Variants in ZNF816 observed in about 807,000 individuals in gnomAD.
ZNF816 encodes the protein zinc finger protein 816A.
In ZNF816, 11 loss-of-function variants were observed where a neutral mutation model predicts 8.3. The ratio of observed to expected loss-of-function variants is 1.32; its 90% confidence interval spans 0.83 to 2.19. ZNF816 has a LOEUF of 2.19. ZNF816 is among the 30% of genes most tolerant of loss of function. ZNF816 has a pLI of 0.00. For missense variants in ZNF816, 710 were observed against 779.3 expected (o/e 0.91, Z 1.06); for synonymous variants, 255 against 254.5 (o/e 1.00, Z -0.02).
chr19:52,955,830 C>T (rs143464958), intron 2 of ZNF816, among the ~76,000 whole-genome samples, 197 bp downstream of exon 2: 1 of 152,148 alleles, frequency 6.6e-6, no homozygotes, highest in Non-Finnish European at 1.5e-5. Flanking sequence ...CCCAGTGGAG[C>T]CTCTTCCCAA....
intron 2 of ZNF816, among the ~76,000 whole-genome samples, chr19:52,955,165 A>G (rs927838940): frequency 6.6e-6 from 1 of 152,164 alleles, no homozygotes; most frequent in Non-Finnish European, 1.5e-5. Flanking sequence ...TGTTTGCTTC[A>G]TCAGAGTCCC....
chr19:52,961,068 A>G (rs2083552396), intron 1 of ZNF816, among the ~76,000 whole-genome samples: 1 of 152,220 alleles, frequency 6.6e-6, no homozygotes, highest in Non-Finnish European at 1.5e-5. Flanking sequence ...AATTAAAACA[A>G]TCTTTCTGTT....
chr19:52,951,684 T>C (rs1670695440), intron 3 of ZNF816, 100 bp from the exon 4 acceptor site: 1 of 1,144,784 alleles, frequency 8.7e-7, no homozygotes, highest in Non-Finnish European at 1.2e-6. Flanking sequence ...CAATACTTAT[T>C]TTAAACTTCC....
rs140118973 is a variant in ZNF816 at position 52,950,834 on chromosome 19, T to C, written c.941A>G (p.Lys314Arg). The C allele has an allele frequency of 1.2e-3, 1,964 of 1,614,050 alleles. 6 individuals carry two copies. The highest frequency in any genetic ancestry group is 0.01 in the Middle Eastern group (63 of 6,060). The change falls in exon 4 of 4, where the codon AAG becomes AGG. Residue 314 changes from lysine to arginine, a missense_variant. Transcript: ENST00000444460. Reference protein sequence around the residue: ...RRLHTGEKPYKCNECGKTFSE... With the variant: ...RRLHTGEKPYRCNECGKTFSE... Reference sequence around the variant, plus strand: ...GAAGGTCTTGCCACACTCATTACACTTGTAAGGTTTCTCTCCAGTATGAAG... The same window carrying C: ...GAAGGTCTTGCCACACTCATTACACCTGTAAGGTTTCTCTCCAGTATGAAG...
chr19:52,953,671 T>TTA (rs965305705), intron 2 of ZNF816, among the ~76,000 whole-genome samples: 3 of 140,766 alleles, frequency 2.1e-5, no homozygotes, highest in Non-Finnish European at 4.6e-5. Flanking sequence ...GTATCATATA[T>TTA]TATATATAAT....
At position 52,950,516 on chromosome 19, in the gene ZNF816, G is replaced by T. The variant is rs201733581; in HGVS notation, c.1259C>A (p.Thr420Asn). Residue 420 changes from threonine to asparagine, a missense_variant, in exon 4 of 4, where the codon ACT becomes AAT. Physicochemically the swap from Thr to Asn is moderately conservative, Grantham distance 65. Transcript: ENST00000444460. Reference protein sequence around the residue: ...SHLERHRKIHTGEGSYKCKVC... With the variant: ...SHLERHRKIHNGEGSYKCKVC... ...CTTACATTTGTATGATCCCTCTCCA[G>T]TATGAATCTTCCTATGTCTTTCAAG... 15 of 1,613,152 alleles carry T rather than the reference G, an allele frequency of 9.3e-6. No individual in the cohort carries two copies. In the East Asian group the frequency reaches 3.3e-4, roughly 36 times the overall value.
chr19:52,958,287 C>A (rs756897274), intron 1 of ZNF816, among the ~76,000 whole-genome samples: 2 of 152,216 alleles, frequency 1.3e-5, no homozygotes, highest in African/African-American at 4.8e-5. Context: ...AACCCGTACA[C>A]GTTAAGGTTG....
intron 1 of ZNF816, among the ~76,000 whole-genome samples, chr19:52,959,389 C>T (rs2083537555): frequency 6.6e-6 from 1 of 152,206 alleles, no homozygotes; most frequent in African/African-American, 2.4e-5. Context: ...AGGTGTTGGA[C>T]TCAGTTTACT....
chr19:52,962,272 A>C (rs1279414012), intron 1 of ZNF816, among the ~76,000 whole-genome samples: 3 of 152,164 alleles, frequency 2.0e-5, no homozygotes, highest in Non-Finnish European at 4.4e-5. Flanking sequence ...AAGAAAAGTG[A>C]AAATCTGGGT....
At chr19:52,961,538 T>C (rs1413645550) in intron 1 of ZNF816, among the ~76,000 whole-genome samples, 1 of 152,232 alleles carries the variant, frequency 6.6e-6, no homozygotes, top group Non-Finnish European at 1.5e-5. Context: ...TAGCAGTCAC[T>C]GTAACCCACT....
At position 52,949,499 on chromosome 19, in the gene ZNF816, G is replaced by A. The variant is rs2083434753; in HGVS notation, c.*320C>T. The A allele has an allele frequency of 9.3e-6, 5 of 536,428 alleles. No individual in the cohort carries two copies. The highest frequency in any genetic ancestry group is 1.7e-5 in the South Asian group (1 of 59,454). 33.2% of individuals were successfully genotyped at this position (536,428 alleles called of 1,614,324 possible). On this transcript the variant is annotated 3_prime_UTR_variant, in exon 4 of 4. Coordinates refer to ENST00000444460, the MANE Select transcript of ZNF816 (RefSeq NM_001202457.3). ...GACCTTGCCACCCTTACATTTGTAAGGCATCTGTCCAGTATGAATTCTCTG... is the reference window on the plus strand; with the variant it reads ...GACCTTGCCACCCTTACATTTGTAAAGCATCTGTCCAGTATGAATTCTCTG...
At chr19:52,958,609 C>T (rs60023847) in intron 1 of ZNF816, among the ~76,000 whole-genome samples, 2,285 of 152,138 alleles carry the variant, frequency 0.015, 65 homozygotes, top group African/African-American at 0.052. Flanking sequence ...GAAAGGATGC[C>T]CTACTCTGGC....
At chr19:52,958,696 T>C (rs1052493242) in intron 1 of ZNF816, among the ~76,000 whole-genome samples, 5 of 152,168 alleles carry the variant, frequency 3.3e-5, no homozygotes, top group Non-Finnish European at 7.3e-5. Context: ...ACCTAGGATT[T>C]ACTATCCAAC....
At chr19:52,951,947 G>A in intron 3 of ZNF816, 2 of 406,462 alleles carry the variant, frequency 4.9e-6, no homozygotes, top group Non-Finnish European at 8.6e-6. Context: ...GAGGCAGTGA[G>A]CCTGAATGAT....
intron 2 of ZNF816, among the ~76,000 whole-genome samples, chr19:52,955,670 A>AT (rs1433600850): frequency 6.6e-6 from 1 of 152,212 alleles, no homozygotes; most frequent in Non-Finnish European, 1.5e-5. Context: ...TATGACTTTC[A>AT]TATACAGTTT....
Position 52,951,178 on chromosome 19 carries a change from G to A in ZNF816, c.597C>T (p.Leu199=). 6.2e-7 allele frequency: 1 copy of A among 1,612,860 alleles called. No homozygotes were observed. The highest frequency in any genetic ancestry group is 2.2e-5 in the East Asian group (1 of 44,840). ...CATACTTATTAGAAATATGAGTTTT[G>A]AGCCTACAAGAAATTCTTTGGGATT... ...ASESQRISCR[L]KTHISNKYGK... is the part of the protein sequence containing the mutation. Residue 199 remains leucine (L), a synonymous_variant, in exon 4 of 4, where the codon CTC becomes CTT. Coordinates refer to ENST00000444460, the MANE Select transcript of ZNF816 (RefSeq NM_001202457.3).
rs968706233 is a variant in ZNF816, at chr19:52,962,811, G to C, written c.-100C>G. 5.2e-5 allele frequency: 8 copies of C among 152,916 alleles called. No homozygotes were observed. Among genetic ancestry groups the C allele is most frequent in the African/African-American group, 1.9e-4 (8 of 41,596 alleles). The allele number at this position is 152,916 out of a possible 1,614,324, so 9.5% of individuals were successfully genotyped here. A position where few individuals can be genotyped will look rare whatever the true frequency, so the allele number is the denominator to read the frequency against. ...GGGACCCCACGTCCCCTATATAGCA[G>C]CACCAGACAACTAGGAAACGCACAC... On this transcript the variant is annotated 5_prime_UTR_variant, in exon 1 of 4. Transcript: ENST00000444460.
intron 2 of ZNF816, among the ~76,000 whole-genome samples, 183 bp downstream of exon 2, chr19:52,955,844 C>A (rs2083505315): frequency 6.6e-6 from 1 of 152,144 alleles, no homozygotes; most frequent in Non-Finnish European, 1.5e-5. Flanking sequence ...TTCCCAAGCT[C>A]ATGTCACTAG....
At position 52,959,371 on chromosome 19, in the gene ZNF816, C is replaced by T. The variant is rs533424372; in HGVS notation, c.-15-3267G>A. On this transcript the variant is annotated intron_variant, in intron 1 of 3. Coordinates refer to ENST00000444460, the MANE Select transcript of ZNF816 (RefSeq NM_001202457.3). ...TATCAGACAGCCCTGTTGAGCATAA[C>T]TGTGTAGAGGTGTTGGACTCAGTTT... 6.6e-5 allele frequency among the ~76,000 whole-genome samples: 10 copies of T among 152,346 alleles called. No individual in the cohort carries two copies. In the Middle Eastern group the frequency reaches 0.014, roughly 207 times the overall value.
Sources: allele counts gnomAD v4.1 joint callset (sites outside exome capture counted in the v4.1 genomes callset), GRCh38; gene constraint gnomAD v4.1.1; transcripts MANE v1.5; gene names NCBI Gene and HGNC (gene_info 2026-07-23, HGNC 2026-07-21).